Variants in TTC3 observed in about 807,000 individuals in gnomAD.
TTC3 encodes E3 ubiquitin-protein ligase TTC3.
TTC3 carries 180 observed loss-of-function variants against 249.6 expected under a neutral mutation model. The observed-to-expected ratio is 0.72, with a 90% CI of 0.64 to 0.82. The LOEUF (loss-of-function observed/expected upper bound fraction) is 0.82. Among genes scored for constraint, TTC3 ranks in the 40% least tolerant of loss-of-function variants. The pLI, the probability that TTC3 is intolerant of heterozygous loss-of-function variation, is 0.00. For missense variants in TTC3, 2,061 were observed against 2,398.4 expected (o/e 0.86, Z 2.94); for synonymous variants, 717 against 805.0 (o/e 0.89, Z 1.85).
chr21:37,107,440 C>T (rs1457063594), intron 10 of TTC3, among the ~76,000 whole-genome samples: 2 of 152,048 alleles, frequency 1.3e-5, no homozygotes, highest in East Asian at 3.8e-4. Flanking sequence ...AGGTGGAAGT[C>T]ATTGAAGATA....
intron 35 of TTC3, among the ~76,000 whole-genome samples, chr21:37,175,967 C>T (rs919791897): frequency 2.6e-5 from 4 of 151,966 alleles, no homozygotes; most frequent in Non-Finnish European, 5.9e-5. Flanking sequence ...GATGGGGTGT[C>T]GCCATGTTGG....
In TTC3 at chr21:37,142,350, C is replaced by A. The variant is rs566256908; in HGVS notation, c.1772+1677C>A. Among the ~76,000 whole-genome samples the A allele has an allele frequency of 7.9e-5, 12 of 152,300 alleles. No homozygotes were observed. In the East Asian group the frequency reaches 2.3e-3, roughly 29 times the overall value. ...ATGACATGATTGTATATCTAGAAAA[C>A]CCCATCGTCTCAGCCCAAAATCTTC... On this transcript the variant is annotated intron_variant, in intron 20 of 45. Transcript: ENST00000355666.
chr21:37,182,735 A>G (rs1368095677), intron 35 of TTC3, 39 bp from the exon 36 acceptor site: 2 of 1,525,318 alleles, frequency 1.3e-6, no homozygotes, highest in African/African-American at 1.4e-5. Flanking sequence ...TAAAAAGTAT[A>G]TTTTGCCATT....
intron 7 of TTC3, among the ~76,000 whole-genome samples, chr21:37,092,274 T>C (rs1245751930): frequency 6.6e-6 from 1 of 152,226 alleles, no homozygotes; most frequent in African/African-American, 2.4e-5. Context: ...AAGGCAAATT[T>C]TGCACTATTG....
chr21:37,142,328 A>G (rs1182662238), intron 20 of TTC3, among the ~76,000 whole-genome samples: 1 of 152,228 alleles, frequency 6.6e-6, no homozygotes, highest in Non-Finnish European at 1.5e-5. Flanking sequence ...TTTGCAGATG[A>G]CATGATTGTA....
chr21:37,122,052 T>G, intron 12 of TTC3, 73 bp downstream of exon 12: 2 of 1,385,906 alleles, frequency 1.4e-6, no homozygotes, highest in Non-Finnish European at 9.8e-7. Flanking sequence ...TTTCTTGGAT[T>G]AACAGAGGAC....
intron 11 of TTC3, among the ~76,000 whole-genome samples, chr21:37,113,456 T>C (rs1443787364): frequency 6.6e-6 from 1 of 152,086 alleles, no homozygotes; most frequent in Non-Finnish European, 1.5e-5. Context: ...GAGAATAAAA[T>C]ACCTAGGAAT....
chr21:37,155,359 G>A (rs889257408), intron 27 of TTC3, among the ~76,000 whole-genome samples: 4 of 152,180 alleles, frequency 2.6e-5, no homozygotes, highest in African/African-American at 9.7e-5. Flanking sequence ...CATCCCAATA[G>A]TGAACACTGC....
At chr21:37,102,030 A>G (rs1040985940) in intron 10 of TTC3, among the ~76,000 whole-genome samples, 20 of 118,694 alleles carry the variant, frequency 1.7e-4, no homozygotes, top group African/African-American at 4.7e-4. Flanking sequence ...TACCTATGCA[A>G]TGATTATCTT....
At chr21:37,148,356 A>G (rs748689144) in intron 22 of TTC3, among the ~76,000 whole-genome samples, 190 bp from the exon 23 acceptor site, 1 of 152,174 alleles carries the variant, frequency 6.6e-6, no homozygotes, top group Non-Finnish European at 1.5e-5. Context: ...TGCTGTTCCA[A>G]TGTCCCTGGT....
intron 11 of TTC3, among the ~76,000 whole-genome samples, chr21:37,117,131 T>C (rs903405832): frequency 3.3e-5 from 5 of 152,216 alleles, no homozygotes; most frequent in African/African-American, 7.2e-5. Flanking sequence ...AAAGTCAGCC[T>C]GGAGACCTTG....
At chr21:37,157,350 T>C (rs1180592695) in intron 28 of TTC3, 1 of 407,004 alleles carries the variant, frequency 2.5e-6, no homozygotes, top group Non-Finnish European at 4.3e-6. Context: ...GAAAAGTAGG[T>C]TGTGGCACAG....
At chr21:37,080,804 T>C (rs1284315313) in intron 1 of TTC3, among the ~76,000 whole-genome samples, 1 of 152,162 alleles carries the variant, frequency 6.6e-6, no homozygotes, top group African/African-American at 2.4e-5. Flanking sequence ...TTCATTTTAC[T>C]TTGATTTTTT....
chr21:37,111,327 A>G (rs2075640268), intron 11 of TTC3, among the ~76,000 whole-genome samples: 1 of 152,236 alleles, frequency 6.6e-6, no homozygotes, highest in South Asian at 2.1e-4. Context: ...GTGCAGAGAC[A>G]TATAGGCTCA....
At chr21:37,082,879 C>G in intron 1 of TTC3, 1 of 973,334 alleles carries the variant, frequency 1.0e-6, no homozygotes, top group South Asian at 4.7e-5. Context: ...TGGTACCAAG[C>G]AAGCTTTCTT....
intron 7 of TTC3, 148 bp from the exon 8 acceptor site, chr21:37,093,857 G>T (rs897212882): frequency 6.1e-6 from 3 of 493,142 alleles, no homozygotes; most frequent in Non-Finnish European, 1.1e-5. Context: ...GACATAAAAG[G>T]TTACAAGAAA....
intron 1 of TTC3, chr21:37,082,616 G>C: frequency 1.0e-6 from 1 of 985,358 alleles, no homozygotes; most frequent in South Asian, 4.7e-5. Context: ...ACTGTAGCCA[G>C]GTTTAATTTC....
exon 28 of TTC3, chr21:37,156,696 T>C: frequency 6.2e-7 from 1 of 1,613,932 alleles, no homozygotes; most frequent in Non-Finnish European, 8.5e-7. Context: ...TTATGGAGCA[T>C]CTCTTAAACT....
chr21:37,175,291 TGCTTA>T (rs1052458423), intron 35 of TTC3, among the ~76,000 whole-genome samples: 8 of 133,020 alleles, frequency 6.0e-5, no homozygotes, highest in Admixed American at 2.3e-4. Context: ...AAAAAAGGAA[TGCTTA>T]GCATATACAG....
Sources: allele counts gnomAD v4.1 joint callset (sites outside exome capture counted in the v4.1 genomes callset), GRCh38; gene constraint gnomAD v4.1.1; transcripts MANE v1.5; gene names NCBI Gene and HGNC (gene_info 2026-07-23, HGNC 2026-07-21).